RAPH1: variants seen among roughly 807,000 people sequenced by gnomAD.
The protein encoded by RAPH1 is ras-associated and pleckstrin homology domains-containing protein 1.
In RAPH1, 18 loss-of-function variants were observed where a neutral mutation model predicts 88.1. The ratio of observed to expected loss-of-function variants is 0.20; its 90% CI spans 0.14 to 0.30. RAPH1 has a LOEUF of 0.30. RAPH1 is among the 10% of genes least tolerant of loss of function. The pLI is 1.00. For missense variants in RAPH1, 1,448 were observed against 1,543.2 expected (o/e 0.94, Z 1.03); for synonymous variants, 587 against 559.0 (o/e 1.05, Z -0.71).
At chr2:203,516,625 T>C (rs907063562) in intron 1 of RAPH1, among the ~76,000 whole-genome samples, 5 of 152,050 alleles carry the variant, frequency 3.3e-5, no homozygotes, top group African/African-American at 1.2e-4. Flanking sequence ...GGTGTGCATC[T>C]GTAATCCCAG....
intron 6 of RAPH1, among the ~76,000 whole-genome samples, 167 bp downstream of exon 6, chr2:203,461,081 AC>A (rs1352929032): frequency 9.2e-5 from 14 of 152,228 alleles, no homozygotes; most frequent in African/African-American, 3.4e-4. Flanking sequence ...GTGCCATTGC[AC>A]TTCAGTCTAG....
intron 1 of RAPH1, among the ~76,000 whole-genome samples, chr2:203,526,647 C>T (rs796325413): frequency 6.3e-5 from 9 of 143,096 alleles, no homozygotes; most frequent in African/African-American, 2.3e-4. Context: ...ATCACTTGAA[C>T]CCAGAAGGCA....
rs2098501221 is a variant in RAPH1, at chr2:203,439,471, C to A, written c.3719G>T (p.Arg1240Ile). ...TCTGGAGAGCTTGGTGTTCTGGTCT[C>A]TTTTGGGGGGAGCAGGAGGGGGTCC... Reference protein sequence around the residue: ...RRGPPPAPPKRDQNTKLSRDW With the variant: ...RRGPPPAPPKIDQNTKLSRDW The change falls in exon 14 of 14, where the codon AGA becomes ATA. Residue 1240 changes from arginine (R) to isoleucine (I), a missense_variant. Transcript: ENST00000319170. 6.2e-7 allele frequency: 1 copy of A among 1,613,818 alleles called. No individual in the cohort carries two copies. Among genetic ancestry groups the A allele is most frequent in the Admixed American group, 1.7e-5 (1 of 59,998 alleles).
At chr2:203,468,839 G>A (rs916706623) in intron 4 of RAPH1, among the ~76,000 whole-genome samples, 17 of 152,162 alleles carry the variant, frequency 1.1e-4, no homozygotes, top group African/African-American at 4.1e-4. Context: ...GTGGTAATGG[G>A]AATGCAACAA....
At chr2:203,471,145 G>A (rs991154855) in intron 4 of RAPH1, among the ~76,000 whole-genome samples, 1 of 151,924 alleles carries the variant, frequency 6.6e-6, no homozygotes, top group Non-Finnish European at 1.5e-5. Context: ...ATTTGGACTG[G>A]CCTCTCATGA....
intron 1 of RAPH1, among the ~76,000 whole-genome samples, chr2:203,523,107 C>T (rs1408013807): frequency 6.6e-6 from 1 of 151,524 alleles, no homozygotes; most frequent in Non-Finnish European, 1.5e-5. Flanking sequence ...AGTAAGGATG[C>T]CAGAGGTCAG....
At position 203,495,366 on chromosome 2, in the gene RAPH1, C is replaced by A. The variant is rs1477255941; in HGVS notation, c.1-13G>T. On this transcript the variant is annotated splice_polypyrimidine_tract_variant and intron_variant, in intron 1 of 13. Transcript: ENST00000319170. Reference sequence around the variant, plus strand: ...ATAGCTGCTCCATCTGAAATACAGACATTTGTGTAGAATGAATAGTAAGTT... The same window carrying A: ...ATAGCTGCTCCATCTGAAATACAGAAATTTGTGTAGAATGAATAGTAAGTT... 7 of 1,613,562 alleles carry A rather than the reference C, an allele frequency of 4.3e-6. No homozygotes were observed. Among genetic ancestry groups the A allele is most frequent in the Admixed American group, 3.3e-5 (2 of 60,006 alleles).
At chr2:203,479,494 G>C (rs1376852361) in intron 4 of RAPH1, among the ~76,000 whole-genome samples, 1 of 151,824 alleles carries the variant, frequency 6.6e-6, no homozygotes, top group South Asian at 2.1e-4. Flanking sequence ...GTCCCACCCA[G>C]CTACTCCGGA....
In RAPH1 at chr2:203,441,074, T is replaced by TG; in HGVS notation, c.2115dup (p.Asn706GlnfsTer217). On this transcript the variant is annotated frameshift_variant, in exon 14 of 14. Coordinates refer to ENST00000319170, the MANE Select transcript of RAPH1 (RefSeq NM_213589.3). LOFTEE classifies it low-confidence loss of function (END_TRUNC). ...GGAGGGGGTGGTGGAACAACTCCAT[T>TG]GGGGGGTACCAGGATCTGAGGCTTC... The TG allele has an allele frequency of 1.0e-6, 1 of 999,388 alleles. No homozygotes were observed. Among genetic ancestry groups the TG allele is most frequent in the South Asian group, 1.4e-5 (1 of 69,928 alleles). 61.9% of individuals were successfully genotyped at this position (999,388 alleles called of 1,614,324 possible).
rs572016911 is a variant in RAPH1 at position 203,460,531 on chromosome 2, T to C, written c.971-503A>G. Among the ~76,000 whole-genome samples the C allele has an allele frequency of 3.3e-5, 5 of 152,336 alleles. No individual in the cohort carries two copies. In the South Asian group the frequency reaches 6.2e-4, roughly 19 times the overall value. ...TATGTTAAAGAACACGTTCTAGATA[T>C]GGATTCTTTGAAATTTGTTAATGTG... is the stretch of plus-strand genomic sequence containing the variant. On this transcript the variant is annotated intron_variant, in intron 6 of 13. Coordinates refer to ENST00000319170, the MANE Select transcript of RAPH1 (RefSeq NM_213589.3).
In RAPH1 at chr2:203,441,024, G is replaced by T; in HGVS notation, c.2166C>A (p.Gly722=). ...PPPPPPPPTP[G]SAMAQLKPAP... is the part of the protein sequence containing the mutation. ...CAGGCTTTAGCTGGGCCATGGCAGA[G>T]CCTGGGGTTGGGGGTGGAGGAGGGG... Residue 722 remains glycine (G), a synonymous_variant, in exon 14 of 14, where the codon GGC becomes GGA. Coordinates refer to ENST00000319170, the MANE Select transcript of RAPH1 (RefSeq NM_213589.3). The T allele has an allele frequency of 6.9e-7, 1 of 1,447,284 alleles. No individual in the cohort carries two copies. The highest frequency in any genetic ancestry group is 9.3e-7 in the Non-Finnish European group (1 of 1,073,006). The allele number at this position is 1,447,284 out of a possible 1,614,324, so 89.7% of individuals were successfully genotyped here.
At chr2:203,525,208 C>T (rs546920149) in intron 1 of RAPH1, among the ~76,000 whole-genome samples, 89 of 152,224 alleles carry the variant, frequency 5.8e-4, no homozygotes, top group Admixed American at 1.3e-3. Flanking sequence ...TTTTTTGAGA[C>T]GGAGTCTCGC....
intron 4 of RAPH1, chr2:203,470,429 C>T: frequency 1.7e-6 from 1 of 579,458 alleles, no homozygotes; most frequent in Admixed American, 3.3e-5. Flanking sequence ...TAATTAATCT[C>T]ATATCTTTTC....
chr2:203,528,157 C>T (rs896574318), intron 1 of RAPH1, among the ~76,000 whole-genome samples: 5 of 151,858 alleles, frequency 3.3e-5, no homozygotes, highest in South Asian at 2.1e-4. Flanking sequence ...CAGTATGCTA[C>T]CTAGACATAG....
intron 4 of RAPH1, among the ~76,000 whole-genome samples, chr2:203,469,872 CAA>C (rs1303599462): frequency 1.3e-5 from 2 of 152,116 alleles, no homozygotes; most frequent in African/African-American, 4.8e-5. Context: ...AACTAGGAAG[CAA>C]AGTTTGCTAA....
chr2:203,526,484 C>A (rs779171462), intron 1 of RAPH1, among the ~76,000 whole-genome samples: 6 of 151,914 alleles, frequency 3.9e-5, no homozygotes, highest in African/African-American at 1.5e-4. Flanking sequence ...CAGCACTTTG[C>A]GAGGCCAAGG....
intron 4 of RAPH1, among the ~76,000 whole-genome samples, chr2:203,467,681 T>C (rs932812586): frequency 1.3e-5 from 2 of 152,154 alleles, no homozygotes; most frequent in African/African-American, 4.8e-5. Flanking sequence ...CTTCAGGACT[T>C]GTGTACGTGC....
At chr2:203,494,438 T>C (rs1167047270) in intron 2 of RAPH1, among the ~76,000 whole-genome samples, 1 of 152,026 alleles carries the variant, frequency 6.6e-6, no homozygotes, top group Non-Finnish European at 1.5e-5. Flanking sequence ...TAAAGCAAAA[T>C]GAAAAGATTT....
At chr2:203,449,294 G>T (rs1311358237) in intron 10 of RAPH1, among the ~76,000 whole-genome samples, 2 of 152,170 alleles carry the variant, frequency 1.3e-5, no homozygotes, top group Non-Finnish European at 2.9e-5. Context: ...GTGAATTACT[G>T]GGCTGGGTAC....
Sources: gnomAD v4.1 joint callset for allele counts (sites outside exome capture counted in the v4.1 genomes callset) on GRCh38, gnomAD v4.1.1 for gene constraint, MANE v1.5 for transcripts, NCBI Gene and HGNC (gene_info 2026-07-23, HGNC 2026-07-21) for gene names.